Variants in ITPK1 observed in about 807,000 individuals in gnomAD.
The protein encoded by ITPK1 is inositol 1,3,4-trisphosphate 5/6-kinase.
In ITPK1, 21 loss-of-function variants were observed where a neutral mutation model predicts 45.3. The observed-to-expected ratio is 0.46, with a 90% CI of 0.33 to 0.67. ITPK1 has a LOEUF of 0.67. ITPK1 is among the 30% of genes least tolerant of loss of function. ITPK1 has a pLI of 0.02. For synonymous variants in ITPK1, 258 were observed against 253.6 expected (o/e 1.02, Z -0.16); for missense variants, 474 against 573.5 (o/e 0.83, Z 1.77).
At chr14:92,981,911 G>C (rs1035510168) in intron 5 of ITPK1, among the ~76,000 whole-genome samples, 2 of 152,260 alleles carry the variant, frequency 1.3e-5, no homozygotes, top group Non-Finnish European at 2.9e-5. Context: ...GTTGGAGTTA[G>C]TCCTGGGGAC....
At chr14:93,103,648 T>G (rs924014566) in intron 2 of ITPK1, among the ~76,000 whole-genome samples, 5 of 151,920 alleles carry the variant, frequency 3.3e-5, no homozygotes, top group African/African-American at 4.8e-5. Flanking sequence ...GGCATGTAAG[T>G]GCATAAAGGA....
intron 5 of ITPK1, among the ~76,000 whole-genome samples, chr14:92,981,642 A>C (rs754960520): frequency 1.3e-5 from 2 of 152,116 alleles, no homozygotes; most frequent in African/African-American, 2.4e-5. Context: ...CCTCCTTTGC[A>C]TACTTATTGA....
At chr14:92,989,555 G>C (rs2139800634) in intron 5 of ITPK1, among the ~76,000 whole-genome samples, 1 of 152,254 alleles carries the variant, frequency 6.6e-6, no homozygotes, top group African/African-American at 2.4e-5. Context: ...CTCACCCTAG[G>C]GTAGCACAGC....
chr14:93,081,259 A>T (rs1239325055), intron 2 of ITPK1, among the ~76,000 whole-genome samples: 1 of 151,880 alleles, frequency 6.6e-6, no homozygotes, highest in Non-Finnish European at 1.5e-5. Context: ...GCTTTAACCC[A>T]GGAGGCGGGG....
rs866524828 is a variant in ITPK1 at position 92,938,165 on chromosome 14, G to C, written c.*3396C>G. On this transcript the variant is annotated 3_prime_UTR_variant, in exon 11 of 11. Coordinates refer to ENST00000267615, the MANE Select transcript of ITPK1 (RefSeq NM_014216.6). ...AGTAGAGATGGGGTTTCACCATGTT[G>C]GCCAGGATGGTGTCGATCTCTTGAC... is the stretch of plus-strand genomic sequence containing the variant. 4.8e-6 allele frequency: 2 copies of C among 419,950 alleles called. No individual in the cohort carries two copies. Among genetic ancestry groups the C allele is most frequent in the African/African-American group, 4.1e-5 (2 of 49,160 alleles). 26.0% of individuals were successfully genotyped at this position (419,950 alleles called of 1,614,324 possible). A position where few individuals can be genotyped will look rare whatever the true frequency, so the allele number is the denominator to read the frequency against.
intron 5 of ITPK1, among the ~76,000 whole-genome samples, chr14:92,969,009 G>A (rs559017162): frequency 1.3e-5 from 2 of 152,296 alleles, no homozygotes; most frequent in Non-Finnish European, 2.9e-5. Context: ...CGCTCGGGTT[G>A]CTGGGCATGA....
chr14:93,073,735 A>G (rs1034987904), intron 3 of ITPK1, among the ~76,000 whole-genome samples: 6 of 152,178 alleles, frequency 3.9e-5, no homozygotes, highest in Non-Finnish European at 7.3e-5. Flanking sequence ...CATGGGCCAC[A>G]GGCTTTTGAG....
rs1595179714 is a variant in ITPK1 at position 93,061,887 on chromosome 14, G to A, written c.120+14708C>T. Among the ~76,000 whole-genome samples the A allele has an allele frequency of 2.6e-5, 4 of 152,328 alleles. No individual in the cohort carries two copies. In the East Asian group the frequency reaches 7.7e-4, roughly 29 times the overall value. On this transcript the variant is annotated intron_variant, in intron 3 of 10. Transcript: ENST00000267615. ...ATAATATTATGCAGTCATTTAAAAA[G>A]CAAGCCTAAGTAGACATTTAACAAA... is the stretch of plus-strand genomic sequence containing the variant.
chr14:93,000,380 G>A (rs1887276651), intron 4 of ITPK1, among the ~76,000 whole-genome samples: 2 of 152,148 alleles, frequency 1.3e-5, no homozygotes, highest in East Asian at 3.9e-4. Flanking sequence ...TTCAACAAGG[G>A]CAGTGACACA....
intron 9 of ITPK1, 124 bp downstream of exon 9, chr14:92,951,822 G>A: frequency 1.4e-6 from 1 of 731,248 alleles, no homozygotes; most frequent in South Asian, 1.6e-5. Context: ...TGGCATGGAG[G>A]CAAACGTCCT....
rs143727565 is a variant in ITPK1 at position 93,108,944 on chromosome 14, C to T, written c.95+6125G>A. ...AGGAGAATCACTTGAACCCAGGAGG[C>T]GGAGGTTGCGGTGAGCCAAGATCGT... On this transcript the variant is annotated intron_variant, in intron 2 of 10. Transcript: ENST00000267615. Among the ~76,000 whole-genome samples, 1,332 of 152,258 alleles carry T rather than the reference C, an allele frequency of 8.7e-3. 27 individuals are homozygous for T. Among genetic ancestry groups the T allele is most frequent in the African/African-American group, 0.03 (1,263 of 41,524 alleles).
chr14:92,987,879 C>T (rs1303303353), intron 5 of ITPK1, among the ~76,000 whole-genome samples: 6 of 152,164 alleles, frequency 3.9e-5, no homozygotes, highest in African/African-American at 9.7e-5. Context: ...GACGCCAGGA[C>T]GGCAGCTCAC....
chr14:92,963,764 T>C (rs1885207088), intron 5 of ITPK1, among the ~76,000 whole-genome samples: 1 of 152,204 alleles, frequency 6.6e-6, no homozygotes, highest in Non-Finnish European at 1.5e-5. Context: ...GATAACAAAA[T>C]GTATTTGGAA....
chr14:92,948,057 G>A (rs536850917), intron 9 of ITPK1, among the ~76,000 whole-genome samples: 1 of 152,326 alleles, frequency 6.6e-6, no homozygotes, highest in African/African-American at 2.4e-5. Context: ...GAGGAACCCT[G>A]AATACATCAT....
intron 3 of ITPK1, among the ~76,000 whole-genome samples, chr14:93,020,289 G>A (rs901636929): frequency 2.0e-5 from 3 of 152,212 alleles, no homozygotes; most frequent in African/African-American, 4.8e-5. Context: ...AGCTGAGCTA[G>A]GCCCTGACAC....
At position 92,960,747 on chromosome 14, in the gene ITPK1, G is replaced by A. The variant is rs145500277; in HGVS notation, c.504+1608C>T. On this transcript the variant is annotated intron_variant, in intron 7 of 10. Transcript: ENST00000267615. ...GTGGTTAAAGGGGCTGGTGGAAGGCGGGCAGGCAGATACTGGGGCTGAGGG... is the reference window on the plus strand; with the variant it reads ...GTGGTTAAAGGGGCTGGTGGAAGGCAGGCAGGCAGATACTGGGGCTGAGGG... 6.6e-5 allele frequency among the ~76,000 whole-genome samples: 10 copies of A among 152,366 alleles called. No individual in the cohort carries two copies. In the East Asian group the frequency reaches 7.7e-4, roughly 12 times the overall value.
At chr14:92,951,145 T>C (rs868124201) in intron 9 of ITPK1, among the ~76,000 whole-genome samples, 3 of 152,228 alleles carry the variant, frequency 2.0e-5, no homozygotes, top group Non-Finnish European at 4.4e-5. Context: ...CACACATGCA[T>C]CCTCAGAACA....
At chr14:92,944,046 C>T (rs1021605367) in intron 10 of ITPK1, among the ~76,000 whole-genome samples, 3 of 152,208 alleles carry the variant, frequency 2.0e-5, no homozygotes, top group Non-Finnish European at 4.4e-5. Flanking sequence ...CTTTGCACAA[C>T]GCCTCGTGAG....
intron 3 of ITPK1, among the ~76,000 whole-genome samples, chr14:93,044,604 C>A (rs1889700746): frequency 6.6e-6 from 1 of 152,198 alleles, no homozygotes; most frequent in African/African-American, 2.4e-5. Flanking sequence ...CATGCAAGCC[C>A]CTGGGACTGA....
Sources: allele counts gnomAD v4.1 joint callset (sites outside exome capture counted in the v4.1 genomes callset), GRCh38; gene constraint gnomAD v4.1.1; transcripts MANE v1.5; gene names NCBI Gene and HGNC (gene_info 2026-07-23, HGNC 2026-07-21).